The following CD58 variants were observed in gnomAD, a reference collection of about 807,000 sequenced individuals.
CD58 encodes CD58 molecule.
In CD58, 14 loss-of-function variants were observed where a neutral mutation model predicts 27.6. The ratio of observed to expected loss-of-function variants is 0.51; its 90% CI spans 0.34 to 0.79. The LOEUF is 0.79. Ranked by LOEUF, CD58 falls within the 30% of genes least tolerant of loss-of-function variation. The pLI is 0.02. For synonymous variants in CD58, 117 were observed against 103.8 expected (o/e 1.13, Z -0.77); for missense variants, 268 against 301.7 (o/e 0.89, Z 0.83).
Position 116,563,010 on chromosome 1 carries a change from T to C in CD58, c.70+7893A>G, listed in dbSNP as rs1416381692. On this transcript the variant is annotated intron_variant, in intron 1 of 5. Transcript: ENST00000369489. This position sits in a 1 kb window ranked among gnomAD's most constrained non-coding sequence, Gnocchi z 4.1. Reference sequence around the variant, plus strand: ...TCTCATCGGAGATAAGGCAAGTACCTTCCACCTATGAGCCTGTAAAATCAA... The same window carrying C: ...TCTCATCGGAGATAAGGCAAGTACCCTCCACCTATGAGCCTGTAAAATCAA... 6.6e-6 allele frequency among the ~76,000 whole-genome samples: 1 copy of C among 152,218 alleles called. No homozygotes were observed. Among genetic ancestry groups the C allele is most frequent in the Non-Finnish European group, 1.5e-5 (1 of 68,034 alleles).
At chr1:116,547,516 A>C (rs1383864242) in intron 1 of CD58, among the ~76,000 whole-genome samples, 1 of 151,740 alleles carries the variant, frequency 6.6e-6, no homozygotes, top group Non-Finnish European at 1.5e-5. Flanking sequence ...TTTTTAGTAA[A>C]GACGGGGTTT....
intron 1 of CD58, among the ~76,000 whole-genome samples, chr1:116,567,453 T>A (rs1055466033): frequency 6.6e-6 from 1 of 151,908 alleles, no homozygotes; most frequent in Non-Finnish European, 1.5e-5. Context: ...CTGGGCAACA[T>A]AGGGAAACCC....
rs763922968 is a variant in CD58 at position 116,514,801 on chromosome 1, TTC to T, written c.*10_*11del. 22 of 1,521,826 alleles carry T rather than the reference TTC, an allele frequency of 1.4e-5. No homozygotes were observed. Among genetic ancestry groups the T allele is most frequent in the African/African-American group, 2.7e-5 (2 of 72,816 alleles). The allele number at this position is 1,521,826 out of a possible 1,614,324, so 94.3% of individuals were successfully genotyped here. On this transcript the variant is annotated 3_prime_UTR_variant, in exon 6 of 6. Coordinates refer to ENST00000369489, the MANE Select transcript of CD58 (RefSeq NM_001779.3). ...ATTTAGTTATGCTGTTGTCTTCATC[TTC>T]TGTTACCAATCAATTGGAGCTACAA...
Position 116,533,995 on chromosome 1 carries a change from T to C in CD58, c.628+1970A>G, listed in dbSNP as rs967880148. The C allele has an allele frequency of 1.3e-5, 18 of 1,371,806 alleles. No individual in the cohort carries two copies. The East Asian group carries it at 3.5e-4, about 27-fold the overall frequency. 85.0% of individuals were successfully genotyped at this position (1,371,806 alleles called of 1,614,324 possible). On this transcript the variant is annotated intron_variant, in intron 3 of 5. Transcript: ENST00000369489. ...TAAAGCTGCCAAAACTCCAGGATTC[T>C]GCATCACCTGATCCGTGAGCTTTTC...
At position 116,538,779 on chromosome 1, in the gene CD58, G is replaced by A. The variant is rs979670292; in HGVS notation, c.365-2551C>T. Among the ~76,000 whole-genome samples the A allele has an allele frequency of 6.6e-6, 1 of 152,146 alleles. No individual in the cohort carries two copies. Among genetic ancestry groups the A allele is most frequent in the African/African-American group, 2.4e-5 (1 of 41,434 alleles). On this transcript the variant is annotated intron_variant, in intron 2 of 5. Coordinates refer to ENST00000369489, the MANE Select transcript of CD58 (RefSeq NM_001779.3). The surrounding 1 kb of genome is among the most constrained non-coding windows in gnomAD (Gnocchi z 4.7). Reference sequence around the variant, plus strand: ...AGGTATGACTCACCTTTCAACCACAGCACATGACATAATGCAAGGCACACA... The same window carrying A: ...AGGTATGACTCACCTTTCAACCACAACACATGACATAATGCAAGGCACACA...
At position 116,534,697 on chromosome 1, in the gene CD58, T is replaced by C. The variant is rs1657734052; in HGVS notation, c.628+1268A>G. ...AGGACGTCTACTTTTTCTTGAAAAA[T>C]GTCTTTCCTTTCCCAAAAGTGACTC... On this transcript the variant is annotated intron_variant, in intron 3 of 5. Transcript: ENST00000369489. The surrounding 1 kb of genome is among the most constrained non-coding windows in gnomAD (Gnocchi z 5.3). Among the ~76,000 whole-genome samples, 1 of 152,230 alleles carries C rather than the reference T, an allele frequency of 6.6e-6. No individual in the cohort carries two copies. Among genetic ancestry groups the C allele is most frequent in the Admixed American group, 6.5e-5 (1 of 15,290 alleles).
Position 116,532,555 on chromosome 1 carries a change from G to A in CD58, c.628+3410C>T, listed in dbSNP as rs376243095. Among the ~76,000 whole-genome samples the A allele has an allele frequency of 3.7e-4, 56 of 152,308 alleles. 1 individual carries two copies. In the East Asian group the frequency reaches 0.01, roughly 27 times the overall value. ...TCCAACTGCAGGAGTGGTAGGAGAGGTTCTAGATCCCTGGAACCTCATCAC... is the reference window on the plus strand; with the variant it reads ...TCCAACTGCAGGAGTGGTAGGAGAGATTCTAGATCCCTGGAACCTCATCAC... On this transcript the variant is annotated intron_variant, in intron 3 of 5. Transcript: ENST00000369489. The surrounding 1 kb of genome is among the most constrained non-coding windows in gnomAD (Gnocchi z 5.1).
chr1:116,559,258 G>A lies in CD58; in HGVS notation c.70+11645C>T, dbSNP rs1282102037. On this transcript the variant is annotated intron_variant, in intron 1 of 5. Coordinates refer to ENST00000369489, the MANE Select transcript of CD58 (RefSeq NM_001779.3). This position sits in a 1 kb window ranked among gnomAD's most constrained non-coding sequence, Gnocchi z 4.4. ...GAAAGGAGTTATTTCTTGAGAACACGCCTATCAAAGTAAGGTGGTTTGCTC... is the reference window on the plus strand; with the variant it reads ...GAAAGGAGTTATTTCTTGAGAACACACCTATCAAAGTAAGGTGGTTTGCTC... Among the ~76,000 whole-genome samples the A allele has an allele frequency of 6.6e-6, 1 of 152,150 alleles. No homozygotes were observed. Among genetic ancestry groups the A allele is most frequent in the Non-Finnish European group, 1.5e-5 (1 of 68,030 alleles).
At chr1:116,547,125 C>A (rs1658207604) in intron 1 of CD58, among the ~76,000 whole-genome samples, 2 of 148,318 alleles carry the variant, frequency 1.3e-5, no homozygotes, top group Admixed American at 6.8e-5. Flanking sequence ...GTACACTGTA[C>A]CCAGTGTGTA....
In CD58 at chr1:116,544,611, G is replaced by A. The variant is rs1281032278; in HGVS notation, c.71-7C>T. ...GAAAAACAGCTGATGAAACCTAGGA[G>A]AGAAAAAAAAATTGGTTAGAAAAAA... On this transcript the variant is annotated splice_polypyrimidine_tract_variant and splice_region_variant and intron_variant, in intron 1 of 5. Transcript: ENST00000369489. 2.6e-6 allele frequency: 4 copies of A among 1,548,618 alleles called. No homozygotes were observed. Among genetic ancestry groups the A allele is most frequent in the Admixed American group, 4.4e-5 (2 of 45,892 alleles).
chr1:116,526,555 T>C (rs769483876), intron 3 of CD58, among the ~76,000 whole-genome samples: 2 of 152,246 alleles, frequency 1.3e-5, no homozygotes, highest in Non-Finnish European at 2.9e-5. Context: ...ATTTGTCTTT[T>C]ATTTTTCCAC....
In CD58 at chr1:116,528,630, A is replaced by G. The variant is rs1331563965; in HGVS notation, c.629-6647T>C. On this transcript the variant is annotated intron_variant, in intron 3 of 5. Coordinates refer to ENST00000369489, the MANE Select transcript of CD58 (RefSeq NM_001779.3). This position sits in a 1 kb window ranked among gnomAD's most constrained non-coding sequence, Gnocchi z 4.4. ...GCCCTTTCCCTAGGCTCCCATTTAG[A>G]GTTCTGTGTCAATGTGGAGGGTGTT... Among the ~76,000 whole-genome samples the G allele has an allele frequency of 6.6e-6, 1 of 152,204 alleles. No individual in the cohort carries two copies. Among genetic ancestry groups the G allele is most frequent in the Admixed American group, 6.5e-5 (1 of 15,286 alleles).
In CD58 at chr1:116,533,070, C is replaced by G. The variant is rs539924706; in HGVS notation, c.628+2895G>C. ...TCACCTTCGTCAAAATTGTCATCATCCTTTAAGGCCTCCCCAGCGAAGTAC... is the reference window on the plus strand; with the variant it reads ...TCACCTTCGTCAAAATTGTCATCATGCTTTAAGGCCTCCCCAGCGAAGTAC... On this transcript the variant is annotated intron_variant, in intron 3 of 5. Transcript: ENST00000369489. The G allele has an allele frequency of 6.4e-5, 47 of 732,978 alleles. No homozygotes were observed. In the African/African-American group the frequency reaches 8.0e-4, roughly 12 times the overall value. The allele number at this position is 732,978 out of a possible 1,614,324, so 45.4% of individuals were successfully genotyped here.
intron 1 of CD58, among the ~76,000 whole-genome samples, chr1:116,567,224 G>A (rs1324520160): frequency 8.0e-6 from 1 of 125,528 alleles, no homozygotes; most frequent in Non-Finnish European, 1.7e-5. Context: ...AAGGGAGGGG[G>A]AGGGGAGGGA....
intron 3 of CD58, among the ~76,000 whole-genome samples, chr1:116,529,902 T>C (rs11588376): frequency 0.2 from 31,167 of 152,086 alleles, 4,291 homozygotes; most frequent in East Asian, 0.57. Flanking sequence ...ACTAAAATGA[T>C]GACAAACCAC....
chr1:116,535,913 C>A, intron 3 of CD58, 52 bp downstream of exon 3: 3 of 1,290,886 alleles, frequency 2.3e-6, no homozygotes, highest in South Asian at 2.6e-5. Flanking sequence ...TTGTGTTAGT[C>A]ACCACATCTG....
In CD58 at chr1:116,552,769, T is replaced by C. The variant is rs1047286651; in HGVS notation, c.71-8165A>G. 6.6e-6 allele frequency among the ~76,000 whole-genome samples: 1 copy of C among 152,244 alleles called. No homozygotes were observed. Among genetic ancestry groups the C allele is most frequent in the African/African-American group, 2.4e-5 (1 of 41,462 alleles). ...TCCTTTTGTGGCTAGCTTTGTCTAT[T>C]GCAGTTACACCGCAATAACTATCCT... On this transcript the variant is annotated intron_variant, in intron 1 of 5. Transcript: ENST00000369489. This position sits in a 1 kb window ranked among gnomAD's most constrained non-coding sequence, Gnocchi z 4.5.
At chr1:116,544,053 C>T (rs1415915675) in intron 2 of CD58, among the ~76,000 whole-genome samples, 1 of 152,212 alleles carries the variant, frequency 6.6e-6, no homozygotes, top group Non-Finnish European at 1.5e-5. Flanking sequence ...ACTGCTGTCA[C>T]TACATCTCTT....
chr1:116,533,113 G>A, intron 3 of CD58: 2 of 747,602 alleles, frequency 2.7e-6, no homozygotes, highest in South Asian at 1.4e-5. Context: ...CCTGTGGTCC[G>A]CTCACGGAAA....
Sources: allele counts gnomAD v4.1 joint callset (sites outside exome capture counted in the v4.1 genomes callset), GRCh38; gene constraint gnomAD v4.1.1; non-coding constraint Gnocchi (gnomAD v3.1); transcripts MANE v1.5; gene names NCBI Gene and HGNC (gene_info 2026-07-23, HGNC 2026-07-21).